The following ZNF592 variants were observed in gnomAD, a reference collection of about 807,000 sequenced individuals.
The protein encoded by ZNF592 is zinc finger protein 592.
ZNF592 carries 11 observed loss-of-function variants against 80.3 expected under a neutral mutation model. The ratio of observed to expected loss-of-function variants is 0.14; its 90% CI spans 0.09 to 0.23. The LOEUF is 0.23. ZNF592 is among the 10% of genes least tolerant of loss of function. The pLI is 1.00. For missense variants in ZNF592, 1,420 were observed against 1,633.9 expected (o/e 0.87, Z 2.26); for synonymous variants, 646 against 640.3 (o/e 1.01, Z -0.13).
At chr15:84,750,257 C>T (rs1447127887) in intron 1 of ZNF592, among the ~76,000 whole-genome samples, 1 of 152,178 alleles carries the variant, frequency 6.6e-6, no homozygotes, top group Non-Finnish European at 1.5e-5. Context: ...GACCTGAGAT[C>T]GTGCCGTTGC....
Position 84,748,653 on chromosome 15 carries a change from C to T in ZNF592, c.-270C>T, listed in dbSNP as rs1596099344. 1 of 148,266 alleles carries T rather than the reference C, an allele frequency of 6.7e-6. No individual in the cohort carries two copies. The highest frequency in any genetic ancestry group is 2.4e-5 in the African/African-American group (1 of 40,966). 9.2% of individuals were successfully genotyped at this position (148,266 alleles called of 1,614,324 possible). A position where few individuals can be genotyped will look rare whatever the true frequency, so the allele number is the denominator to read the frequency against. Reference sequence around the variant, plus strand: ...CGAGACTCTGGCCTGCAGTCGCCGCCGCCGCCGCCAGGTAAGCGCCCCCCG... The same window carrying T: ...CGAGACTCTGGCCTGCAGTCGCCGCTGCCGCCGCCAGGTAAGCGCCCCCCG... On this transcript the variant is annotated 5_prime_UTR_variant, in exon 1 of 11. Transcript: ENST00000560079.
chr15:84,774,959 T>C (rs1207642267), intron 2 of ZNF592, among the ~76,000 whole-genome samples: 1 of 152,068 alleles, frequency 6.6e-6, no homozygotes, highest in African/African-American at 2.4e-5. Flanking sequence ...TTTTGTATTT[T>C]TAGTAGGGAC....
At chr15:84,790,972 A>G (rs1962730837) in intron 5 of ZNF592, 89 bp downstream of exon 5, 1 of 1,543,738 alleles carries the variant, frequency 6.5e-7, no homozygotes, top group Non-Finnish European at 8.9e-7. Context: ...TTTTGGTCTT[A>G]AGAGGCTTGG....
intron 5 of ZNF592, among the ~76,000 whole-genome samples, chr15:84,793,912 G>A (rs981743276): frequency 6.6e-6 from 1 of 152,168 alleles, no homozygotes; most frequent in African/African-American, 2.4e-5. Flanking sequence ...GGACCTTTGG[G>A]TTGGTTTCCC....
intron 1 of ZNF592, among the ~76,000 whole-genome samples, chr15:84,748,971 A>T (rs1898931940): frequency 1.3e-5 from 2 of 151,826 alleles, no homozygotes; most frequent in South Asian, 4.1e-4. Flanking sequence ...GCTGGGCGGG[A>T]CGTGCGGCCG....
At chr15:84,771,171 A>C (rs1758294276) in intron 2 of ZNF592, among the ~76,000 whole-genome samples, 1 of 152,168 alleles carries the variant, frequency 6.6e-6, no homozygotes, top group Admixed American at 6.5e-5. Flanking sequence ...GGAGAGGCTC[A>C]CATACTGATG....
intron 4 of ZNF592, among the ~76,000 whole-genome samples, chr15:84,789,239 G>C (rs1962671953): frequency 1.5e-5 from 1 of 65,494 alleles, no homozygotes; most frequent in Non-Finnish European, 2.8e-5. Context: ...CAGAGACCCT[G>C]TCTCAAAAAA....
At position 84,799,640 on chromosome 15, in the gene ZNF592, C is replaced by T. The variant is rs1963034367; in HGVS notation, c.3138-202C>T. 3.3e-5 allele frequency among the ~76,000 whole-genome samples: 5 copies of T among 152,276 alleles called. No individual in the cohort carries two copies. The Middle Eastern group carries it at 0.017, about 518-fold the overall frequency. ...TGTTCAGTGAGATTGTGGCTGAGTG[C>T]CAGGTGTCAAGAGTGCAAGTATTCT... On this transcript the variant is annotated intron_variant, in intron 9 of 10. Coordinates refer to ENST00000560079, the MANE Select transcript of ZNF592 (RefSeq NM_014630.3). The surrounding 1 kb of genome is among the most constrained non-coding windows in gnomAD (Gnocchi z 4.2).
chr15:84,783,934 A>G lies in ZNF592; in HGVS notation c.1259A>G (p.Glu420Gly). ...AGCGCCATTGCAGAGGCCCCCAGCG[A>G]GATGCCAGGGGATGAGGTGCCTGTG... ...LGSAIAEAPSEMPGDEVPVEE... is the reference protein window; with the variant it reads ...LGSAIAEAPSGMPGDEVPVEE... The change falls in exon 4 of 11, where the codon GAG (glutamate) becomes GGG (glycine). Residue 420 changes from glutamate to glycine, a missense_variant. Glu to Gly is a moderately conservative substitution (Grantham distance 98). This residue lies in a region of ZNF592 where 524 missense variants were observed against 628.3 expected (regional missense o/e 0.83). Transcript: ENST00000560079. This position sits in a 1 kb window ranked among gnomAD's most constrained non-coding sequence, Gnocchi z 5.0. 6.2e-7 allele frequency: 1 copy of G among 1,614,066 alleles called. No homozygotes were observed. The highest frequency in any genetic ancestry group is 8.5e-7 in the Non-Finnish European group (1 of 1,179,902).
intron 1 of ZNF592, among the ~76,000 whole-genome samples, chr15:84,751,225 G>T (rs28525107): frequency 0.019 from 2,835 of 152,290 alleles, 48 homozygotes; most frequent in African/African-American, 0.041. Context: ...ATACATTATT[G>T]TATTTAACTT....
chr15:84,798,721 C>G lies in ZNF592; in HGVS notation c.2870C>G (p.Ser957Cys). Residue 957 changes from serine to cysteine, a missense_variant, in exon 8 of 11, where the codon TCC becomes TGC. Coordinates refer to ENST00000560079, the MANE Select transcript of ZNF592 (RefSeq NM_014630.3). This position sits in a 1 kb window ranked among gnomAD's most constrained non-coding sequence, Gnocchi z 4.5. ...ACTAGTGTGGCTGCTCGGAGCAGCT[C>G]CCTGCCTTCTGGCCGCTGGGGTAGG... ...PATSVAARSS[S>C]LPSGRWGRPE... 2 of 1,612,510 alleles carry G rather than the reference C, an allele frequency of 1.2e-6. No individual in the cohort carries two copies. The highest frequency in any genetic ancestry group is 1.7e-6 in the Non-Finnish European group (2 of 1,180,022).
intron 1 of ZNF592, among the ~76,000 whole-genome samples, chr15:84,762,417 A>G (rs1899379146): frequency 6.6e-6 from 1 of 152,204 alleles, no homozygotes; most frequent in Non-Finnish European, 1.5e-5. Context: ...GGAGCCACGC[A>G]GATATCTGAG....
chr15:84,778,377 CT>C, intron 3 of ZNF592, 65 bp downstream of exon 3: 1 of 163,268 alleles, frequency 6.1e-6, no homozygotes. Flanking sequence ...ATTGGTTTGA[CT>C]AGGCATGTAA....
At chr15:84,791,106 T>C (rs1962735101) in intron 5 of ZNF592, among the ~76,000 whole-genome samples, 2 of 152,208 alleles carry the variant, frequency 1.3e-5, no homozygotes, top group South Asian at 4.1e-4. Context: ...TATTAGAAAA[T>C]TAGCTTTGAA....
chr15:84,755,285 G>T (rs141663599), intron 1 of ZNF592, among the ~76,000 whole-genome samples: 1 of 151,982 alleles, frequency 6.6e-6, no homozygotes, highest in East Asian at 1.9e-4. Flanking sequence ...AAACTTTAAA[G>T]AAGTTTTTTT....
chr15:84,771,966 C>T (rs1377350823), intron 2 of ZNF592, among the ~76,000 whole-genome samples: 1 of 152,160 alleles, frequency 6.6e-6, no homozygotes, highest in Non-Finnish European at 1.5e-5. Context: ...GCTGTTGCAG[C>T]CTAACCTGTT....
chr15:84,796,588 A>G (rs533216169), intron 5 of ZNF592, among the ~76,000 whole-genome samples: 1 of 152,054 alleles, frequency 6.6e-6, no homozygotes, highest in East Asian at 1.9e-4. Context: ...TTATTCTCTG[A>G]TATCGATAAA....
intron 5 of ZNF592, among the ~76,000 whole-genome samples, chr15:84,793,636 C>A (rs1466005633): frequency 2.6e-5 from 4 of 152,176 alleles, no homozygotes; most frequent in East Asian, 3.9e-4. Flanking sequence ...GCAATCACTA[C>A]AAACAATTTT....
chr15:84,763,043 G>T (rs1393626173), intron 1 of ZNF592, among the ~76,000 whole-genome samples: 4 of 152,108 alleles, frequency 2.6e-5, no homozygotes. Context: ...GAAAATTTGT[G>T]CCCTATTCAG....
Sources: gnomAD v4.1 joint callset for allele counts (sites outside exome capture counted in the v4.1 genomes callset) on GRCh38, gnomAD v4.1.1 for gene constraint, gnomAD v4.1.1 regional missense constraint, Gnocchi (gnomAD v3.1) non-coding constraint, MANE v1.5 for transcripts, NCBI Gene and HGNC (gene_info 2026-07-23, HGNC 2026-07-21) for gene names.